AK4: variants seen among roughly 807,000 people sequenced by gnomAD.
AK4 encodes the protein adenylate kinase 4, mitochondrial.
In AK4, 13 loss-of-function variants were observed where a neutral mutation model predicts 24.6. The observed-to-expected ratio is 0.53, with a 90% CI of 0.34 to 0.84. The LOEUF (loss-of-function observed/expected upper bound fraction) is 0.84, where lower values mean the gene tolerates loss of function less well. Ranked by LOEUF, AK4 falls within the 40% of genes least tolerant of loss-of-function variation. The pLI is 0.01. For missense variants in AK4, 192 were observed against 288.2 expected (o/e 0.67, Z 2.42); for synonymous variants, 88 against 107.0 (o/e 0.82, Z 1.10).
intron 2 of AK4, among the ~76,000 whole-genome samples, chr1:65,199,324 C>T (rs990767580): frequency 2.0e-5 from 3 of 151,862 alleles, no homozygotes; most frequent in South Asian, 2.1e-4. Context: ...CCGAGGTGGG[C>T]GAGTCACGAG....
intron 2 of AK4, among the ~76,000 whole-genome samples, chr1:65,201,302 G>A (rs1012683147): frequency 1.5e-4 from 23 of 152,054 alleles, no homozygotes; most frequent in Admixed American, 1.4e-3. Context: ...TCTGTCCTGC[G>A]TTCGTGTCCT....
chr1:65,176,284 C>A (rs1422979130), intron 1 of AK4, among the ~76,000 whole-genome samples: 1 of 152,062 alleles, frequency 6.6e-6, no homozygotes, highest in Non-Finnish European at 1.5e-5. Flanking sequence ...TAGAAGCATA[C>A]CCACTGCCAA....
At chr1:65,225,643 C>G (rs1054522140) in intron 4 of AK4, among the ~76,000 whole-genome samples, 1 of 152,116 alleles carries the variant, frequency 6.6e-6, no homozygotes, top group Non-Finnish European at 1.5e-5. Context: ...GTAGTCCCCC[C>G]CAAAATTTAG....
At chr1:65,205,909 T>A (rs534450853) in intron 2 of AK4, among the ~76,000 whole-genome samples, 3 of 152,334 alleles carry the variant, frequency 2.0e-5, no homozygotes, top group Admixed American at 1.3e-4. Context: ...CATAACTGTT[T>A]GATTATTTTT....
intron 1 of AK4, among the ~76,000 whole-genome samples, chr1:65,182,858 G>T (rs1011701087): frequency 6.6e-6 from 1 of 152,120 alleles, no homozygotes; most frequent in African/African-American, 2.4e-5. Flanking sequence ...CTTTCATAGT[G>T]TATTTATGTA....
At chr1:65,147,840 G>A (rs1649613982), upstream of AK4, 1 of 152,464 alleles carries the variant, frequency 6.6e-6, no homozygotes. Flanking sequence ...AGCCGCCGGG[G>A]AGGGGACGAG....
intron 1 of AK4, chr1:65,165,804 G>T (rs11208599): frequency 0.06 from 9,178 of 152,328 alleles, 400 homozygotes; most frequent in Middle Eastern, 0.1. Context: ...GAGGAGTGGG[G>T]GTAGTGATGG....
In AK4 at chr1:65,148,220, G is replaced by T; in HGVS notation, c.-188G>T. 8.2e-7 allele frequency: 1 copy of T among 1,225,360 alleles called. No homozygotes were observed. Among genetic ancestry groups the T allele is most frequent in the Non-Finnish European group, 1.1e-6 (1 of 918,376 alleles). 75.9% of individuals were successfully genotyped at this position (1,225,360 alleles called of 1,614,324 possible). ...TGGCGCTCAGTCCGCCTGCTACTCG[G>T]TCCCGGCGCTGGGCTGAGGGGAGGG... On this transcript the variant is annotated 5_prime_UTR_variant, in exon 1 of 5. Coordinates refer to ENST00000327299, the MANE Select transcript of AK4 (RefSeq NM_013410.4).
chr1:65,203,127 C>T (rs978909800), intron 2 of AK4, among the ~76,000 whole-genome samples: 2 of 152,058 alleles, frequency 1.3e-5, no homozygotes, highest in African/African-American at 2.4e-5. Context: ...CCTGTCTCAG[C>T]CCCTCAGAGT....
chr1:65,169,991 A>T (rs1213799538), intron 1 of AK4, among the ~76,000 whole-genome samples: 2 of 152,084 alleles, frequency 1.3e-5, no homozygotes, highest in Non-Finnish European at 2.9e-5. Context: ...TTTGTAGAGG[A>T]AATGAATTTT....
At chr1:65,153,040 G>T (rs542729998) in intron 1 of AK4, among the ~76,000 whole-genome samples, 11 of 152,206 alleles carry the variant, frequency 7.2e-5, no homozygotes, top group African/African-American at 2.6e-4. Flanking sequence ...CCCCTAGCTG[G>T]GTGAGACTCA....
At chr1:65,175,288 G>T (rs1650675398) in intron 1 of AK4, among the ~76,000 whole-genome samples, 2 of 152,194 alleles carry the variant, frequency 1.3e-5, no homozygotes. Context: ...CCTTCCGGAG[G>T]TTGCTGAGCA....
chr1:65,220,097 A>G (rs1291658134), intron 3 of AK4, among the ~76,000 whole-genome samples: 2 of 152,214 alleles, frequency 1.3e-5, no homozygotes, highest in African/African-American at 4.8e-5. Context: ...TTGTAAGTGA[A>G]TAATGTTCCA....
intron 2 of AK4, among the ~76,000 whole-genome samples, chr1:65,212,645 C>T (rs555034266): frequency 2.0e-4 from 31 of 152,162 alleles, no homozygotes; most frequent in African/African-American, 6.5e-4. Context: ...GGCACTACCA[C>T]GCCCACCTAA....
intron 1 of AK4, among the ~76,000 whole-genome samples, chr1:65,161,144 C>A (rs556711545): frequency 6.6e-6 from 1 of 152,082 alleles, no homozygotes; most frequent in African/African-American, 2.4e-5. Context: ...TTCCTCCTCC[C>A]ATGATCAAAA....
chr1:65,155,859 A>ATG (rs1649965285), intron 1 of AK4, among the ~76,000 whole-genome samples: 1 of 141,604 alleles, frequency 7.1e-6, no homozygotes, highest in Admixed American at 7.2e-5. Context: ...TTTAGTAGAG[A>ATG]CGGTTTCACC....
chr1:65,174,308 A>G (rs1251752495), intron 1 of AK4, among the ~76,000 whole-genome samples: 2 of 151,822 alleles, frequency 1.3e-5, no homozygotes, highest in Non-Finnish European at 1.5e-5. Context: ...AAATTTTTAG[A>G]TGAAGTTTAT....
chr1:65,202,392 G>T (rs771711198), intron 2 of AK4, among the ~76,000 whole-genome samples: 1 of 152,020 alleles, frequency 6.6e-6, no homozygotes, highest in Non-Finnish European at 1.5e-5. Flanking sequence ...GTGAGACTCC[G>T]TCTCAAAAAT....
chr1:65,148,674 C>T (rs942914569), intron 1 of AK4, 122 bp downstream of exon 1: 5 of 1,329,878 alleles, frequency 3.8e-6, no homozygotes, highest in Non-Finnish European at 4.8e-6. Context: ...CGTGCAGGCT[C>T]GTACGTGCCG....
Sources: gnomAD v4.1 joint callset for allele counts (sites outside exome capture counted in the v4.1 genomes callset) on GRCh38, gnomAD v4.1.1 for gene constraint, MANE v1.5 for transcripts, NCBI Gene and HGNC (gene_info 2026-07-23, HGNC 2026-07-21) for gene names.